Variants in ZRANB3 observed in about 807,000 individuals in gnomAD.
ZRANB3 encodes zinc finger RANBP2-type containing 3, also known as DNA annealing helicase and endonuclease ZRANB3.
A neutral mutation model predicts 133.8 loss-of-function variants in ZRANB3; 125 were observed. That is an observed-to-expected ratio of 0.93 (90% CI 0.81 to 1.08). The LOEUF is 1.08. ZRANB3 is among the 50% of genes least tolerant of loss of function. The pLI is 0.00. For missense variants in ZRANB3, 1,229 were observed against 1,275.5 expected (o/e 0.96, Z 0.56); for synonymous variants, 387 against 432.7 (o/e 0.89, Z 1.31).
chr2:135,515,932 T>C (rs1559049734), intron 1 of ZRANB3, among the ~76,000 whole-genome samples: 1 of 152,180 alleles, frequency 6.6e-6, no homozygotes, highest in African/African-American at 2.4e-5. Flanking sequence ...TGTAGGTCTC[T>C]AAGAATTTGC....
intron 13 of ZRANB3, among the ~76,000 whole-genome samples, chr2:135,229,508 C>T (rs1694899029): frequency 6.6e-6 from 1 of 151,640 alleles, no homozygotes. Flanking sequence ...GCTGGGACTA[C>T]AGGCGCCCGC....
At chr2:135,478,565 A>AATGT (rs1691609895) in intron 2 of ZRANB3, among the ~76,000 whole-genome samples, 1 of 152,206 alleles carries the variant, frequency 6.6e-6, no homozygotes, top group African/African-American at 2.4e-5. Context: ...ATATACACTT[A>AATGT]ATGTATGTAT....
chr2:135,217,075 A>G (rs1694341367), intron 17 of ZRANB3, among the ~76,000 whole-genome samples: 1 of 152,208 alleles, frequency 6.6e-6, no homozygotes, highest in Non-Finnish European at 1.5e-5. Context: ...CTTGCTGCAC[A>G]GCATCATACT....
In ZRANB3 at chr2:135,207,424, T is replaced by G. The variant is rs563762421; in HGVS notation, c.3009+10A>C. The G allele has an allele frequency of 1.7e-4, 266 of 1,591,394 alleles. 2 individuals are homozygous for G. The highest frequency in any genetic ancestry group is 2.2e-4 in the Non-Finnish European group (261 of 1,168,726). ...TGCTGCCTTCTATCTATCACATGAT[T>G]ATAACTTACCTGTTCTAATGGGAGC... On this transcript the variant is annotated intron_variant, in intron 19 of 20. Transcript: ENST00000264159.
At chr2:135,496,520 A>G (rs1389711895) in intron 2 of ZRANB3, among the ~76,000 whole-genome samples, 2 of 152,108 alleles carry the variant, frequency 1.3e-5, no homozygotes, top group African/African-American at 4.8e-5. Flanking sequence ...ATTAACCTCT[A>G]AAGGACCTCA....
chr2:135,522,203 T>C (rs1197809436), intron 1 of ZRANB3, among the ~76,000 whole-genome samples: 2 of 152,220 alleles, frequency 1.3e-5, no homozygotes, highest in African/African-American at 4.8e-5. Flanking sequence ...GCCACTGCTA[T>C]AACATCTTAT....
At position 135,421,735 on chromosome 2, in the gene ZRANB3, T is replaced by C. The variant is rs140748574; in HGVS notation, c.162-30915A>G. ...TTTTTAATGATGTTTACAAGTGACC[T>C]GATCATTAGTTAGTACGGTGGCCTT... On this transcript the variant is annotated intron_variant, in intron 2 of 20. Transcript: ENST00000264159. Among the ~76,000 whole-genome samples, 1,241 of 152,300 alleles carry C rather than the reference T, an allele frequency of 8.1e-3. 14 individuals carry two copies. The highest frequency in any genetic ancestry group is 0.017 in the Middle Eastern group (5 of 294).
intron 2 of ZRANB3, among the ~76,000 whole-genome samples, chr2:135,424,798 C>T (rs750106350): frequency 6.6e-6 from 1 of 152,198 alleles, no homozygotes; most frequent in South Asian, 2.1e-4. Flanking sequence ...TTCAATGGGT[C>T]GAACCAGTGC....
chr2:135,512,070 C>T (rs1029039429), intron 1 of ZRANB3: 14 of 454,442 alleles, frequency 3.1e-5, no homozygotes, highest in East Asian at 7.0e-5. Context: ...CAACTGTGTC[C>T]GCACCAGCAA....
chr2:135,283,970 G>A (rs1419918643), intron 8 of ZRANB3, among the ~76,000 whole-genome samples: 1 of 152,078 alleles, frequency 6.6e-6, no homozygotes, highest in East Asian at 1.9e-4. Context: ...CAACAAGAGC[G>A]AGACCCTGAC....
At position 135,353,520 on chromosome 2, in the gene ZRANB3, C is replaced by T. The variant is rs955624524; in HGVS notation, c.289G>A (p.Glu97Lys). The change falls in exon 4 of 21, where the codon GAA becomes AAA. Residue 97 changes from glutamate (E) to lysine (K), a missense_variant. Physicochemically the swap from Glu to Lys is moderately conservative, Grantham distance 56. Coordinates refer to ENST00000264159, the MANE Select transcript of ZRANB3 (RefSeq NM_032143.4). ...PSSLRYPWTE[E>K]IEKWIPELSP... The stretch of plus-strand genomic sequence containing the variant: ...AGCTCTGGGATCCATTTTTCAATTT[C>T]TTCTGTCCAAGGGTACCTCAGAGAC... 1 of 1,609,736 alleles carries T rather than the reference C, an allele frequency of 6.2e-7. No homozygotes were observed. Among genetic ancestry groups the T allele is most frequent in the Non-Finnish European group, 8.5e-7 (1 of 1,177,530 alleles).
intron 2 of ZRANB3, among the ~76,000 whole-genome samples, chr2:135,428,643 TAAAC>T (rs1689194081): frequency 1.3e-5 from 2 of 152,052 alleles, no homozygotes; most frequent in African/African-American, 2.4e-5. Context: ...GTAAGAAACT[TAAAC>T]AAGTTAACAA....
intron 2 of ZRANB3, among the ~76,000 whole-genome samples, chr2:135,429,973 A>G (rs1455015591): frequency 6.6e-6 from 1 of 152,140 alleles, no homozygotes; most frequent in Non-Finnish European, 1.5e-5. Flanking sequence ...GCTTGAGCCC[A>G]GTAGTTAGGC....
chr2:135,475,088 T>A (rs1341841259), intron 2 of ZRANB3, among the ~76,000 whole-genome samples: 1 of 152,252 alleles, frequency 6.6e-6, no homozygotes, highest in Non-Finnish European at 1.5e-5. Context: ...TTGCACTTCA[T>A]TTGTTGGTTT....
At chr2:135,375,310 T>C (rs1472016357) in intron 3 of ZRANB3, among the ~76,000 whole-genome samples, 1 of 152,124 alleles carries the variant, frequency 6.6e-6, no homozygotes, top group Non-Finnish European at 1.5e-5. Context: ...CCCAGCACTT[T>C]GGGAGGCCAA....
chr2:135,228,178 G>A (rs1306994761), intron 13 of ZRANB3, 163 bp from the exon 14 acceptor site: 2 of 582,206 alleles, frequency 3.4e-6, no homozygotes, highest in African/African-American at 3.7e-5. Flanking sequence ...TATTCTAGAT[G>A]CTGAAGAGAC....
intron 1 of ZRANB3, chr2:135,510,705 C>A: frequency 1.3e-6 from 1 of 798,088 alleles, no homozygotes; most frequent in Non-Finnish European, 2.3e-6. Context: ...CAGCTCGAGT[C>A]TTCTTCTCTT....
intron 2 of ZRANB3, among the ~76,000 whole-genome samples, chr2:135,395,450 T>A (rs906641607): frequency 1.3e-5 from 2 of 151,390 alleles, no homozygotes; most frequent in Non-Finnish European, 2.9e-5. Flanking sequence ...TTCTTTTTTT[T>A]TTTTTTTTTA....
intron 2 of ZRANB3, among the ~76,000 whole-genome samples, chr2:135,482,544 C>G (rs1361770726): frequency 6.6e-6 from 1 of 151,394 alleles, no homozygotes; most frequent in Non-Finnish European, 1.5e-5. Context: ...TCTAGATATA[C>G]AATCATGTCA....
Sources: gnomAD v4.1 joint callset for allele counts (sites outside exome capture counted in the v4.1 genomes callset) on GRCh38, gnomAD v4.1.1 for gene constraint, MANE v1.5 for transcripts, NCBI Gene and HGNC (gene_info 2026-07-23, HGNC 2026-07-21) for gene names.